The following TCEA1 variants were observed in gnomAD, a reference collection of about 807,000 sequenced individuals.
TCEA1 encodes transcription elongation factor A1, also known as transcription elongation factor A protein 1.
In TCEA1, 21 loss-of-function variants were observed where a neutral mutation model predicts 43.8. The observed-to-expected ratio is 0.48, with a 90% CI of 0.34 to 0.69. The LOEUF (loss-of-function observed/expected upper bound fraction) is 0.69. TCEA1 is among the 30% of genes least tolerant of loss of function. The pLI, the probability that TCEA1 is intolerant of heterozygous loss-of-function variation, is 0.01. For missense variants in TCEA1, 250 were observed against 365.1 expected (o/e 0.68, Z 2.57); for synonymous variants, 104 against 117.5 (o/e 0.88, Z 0.75).
intron 6 of TCEA1, 59 bp downstream of exon 6, chr8:53,986,910 A>G: frequency 1.5e-6 from 2 of 1,357,810 alleles, no homozygotes; most frequent in Non-Finnish European, 2.0e-6. Flanking sequence ...GCATTTGCAT[A>G]TGTTCAATAA....
intron 8 of TCEA1, chr8:53,973,280 C>T: frequency 2.0e-6 from 1 of 500,414 alleles, no homozygotes; most frequent in East Asian, 4.6e-5. Context: ...GAAGTGGGTT[C>T]CAGGTCTTAA....
At chr8:53,993,610 G>T in intron 4 of TCEA1, 58 bp downstream of exon 4, 2 of 1,398,288 alleles carry the variant, frequency 1.4e-6, no homozygotes, top group Non-Finnish European at 2.0e-6. Context: ...CAGGGGAATT[G>T]ATGCAGGAAG....
chr8:54,007,385 T>C (rs1026298655), intron 2 of TCEA1, among the ~76,000 whole-genome samples: 27 of 152,324 alleles, frequency 1.8e-4, no homozygotes, highest in Middle Eastern at 3.4e-3. Flanking sequence ...CTTGCTATGT[T>C]GCCCAGGCTG....
intron 8 of TCEA1, among the ~76,000 whole-genome samples, chr8:53,971,066 G>A (rs916155770): frequency 6.6e-6 from 1 of 152,098 alleles, no homozygotes; most frequent in African/African-American, 2.4e-5. Flanking sequence ...ATCCAACAGG[G>A]AAGTAATGAC....
intron 1 of TCEA1, among the ~76,000 whole-genome samples, chr8:54,016,411 C>T (rs1436890250): frequency 1.3e-5 from 2 of 152,082 alleles, no homozygotes; most frequent in Non-Finnish European, 2.9e-5. Context: ...GCGGAGCTTA[C>T]AGTGAGCCAT....
In TCEA1 at chr8:53,966,676, A is replaced by G. The variant is rs546885612; in HGVS notation, c.*1428T>C. Reference sequence around the variant, plus strand: ...ATGTACTTTGTTTTTGAAATAAAACAAAATCTTCAACTATGAACTGACAAA... The same window carrying G: ...ATGTACTTTGTTTTTGAAATAAAACGAAATCTTCAACTATGAACTGACAAA... On this transcript the variant is annotated 3_prime_UTR_variant, in exon 10 of 10. Coordinates refer to ENST00000521604, the MANE Select transcript of TCEA1 (RefSeq NM_006756.4). 5.1e-4 allele frequency: 98 copies of G among 192,900 alleles called. No homozygotes were observed. The highest frequency in any genetic ancestry group is 4.4e-3 in the South Asian group (23 of 5,182). The allele number at this position is 192,900 out of a possible 1,614,324, so 11.9% of individuals were successfully genotyped here. A position where few individuals can be genotyped will look rare whatever the true frequency, so the allele number is the denominator to read the frequency against.
intron 4 of TCEA1, among the ~76,000 whole-genome samples, chr8:53,993,127 ATTTTTTTTTTTTTT>A (rs11306062): frequency 2.4e-5 from 2 of 84,190 alleles, no homozygotes; most frequent in African/African-American, 9.7e-5. Flanking sequence ...TACATGGCTA[ATTTTTTTTTTTTTT>A]TTTTTTTTTT....
chr8:54,019,124 G>T (rs774962516), intron 1 of TCEA1, among the ~76,000 whole-genome samples: 2 of 152,126 alleles, frequency 1.3e-5, no homozygotes, highest in African/African-American at 2.4e-5. Flanking sequence ...CTCAATAAAT[G>T]GTAAGCTGTT....
At position 53,966,980 on chromosome 8, in the gene TCEA1, T is replaced by A. The variant is rs1302214640; in HGVS notation, c.*1124A>T. ...TTTGTCTTACTCCAAACAGAAAAAA[T>A]GGTACACACTTTAACAAAAGCAAAA... On this transcript the variant is annotated 3_prime_UTR_variant, in exon 10 of 10. Coordinates refer to ENST00000521604, the MANE Select transcript of TCEA1 (RefSeq NM_006756.4). The A allele has an allele frequency of 9.9e-6, 2 of 202,398 alleles. No individual in the cohort carries two copies. Among genetic ancestry groups the A allele is most frequent in the Admixed American group, 6.0e-5 (1 of 16,678 alleles). 12.5% of individuals were successfully genotyped at this position (202,398 alleles called of 1,614,324 possible). A position where few individuals can be genotyped will look rare whatever the true frequency, so the allele number is the denominator to read the frequency against.
At chr8:53,986,563 G>A (rs753021874) in intron 6 of TCEA1, among the ~76,000 whole-genome samples, 1 of 151,742 alleles carries the variant, frequency 6.6e-6, no homozygotes. Flanking sequence ...TTATGTTATC[G>A]GTTTGCCTTT....
chr8:54,007,982 G>C (rs1353336198), intron 2 of TCEA1, among the ~76,000 whole-genome samples: 3 of 152,010 alleles, frequency 2.0e-5, no homozygotes, highest in Non-Finnish European at 4.4e-5. Flanking sequence ...AGGAGTTTGA[G>C]ACCAGCCTGG....
intron 7 of TCEA1, among the ~76,000 whole-genome samples, chr8:53,981,247 G>T (rs1222296790): frequency 6.6e-6 from 1 of 152,244 alleles, no homozygotes; most frequent in African/African-American, 2.4e-5. Flanking sequence ...GATCATTGAT[G>T]AAGGTAGCTA....
At chr8:53,977,213 G>A (rs1173849503) in intron 8 of TCEA1, among the ~76,000 whole-genome samples, 6 of 152,140 alleles carry the variant, frequency 3.9e-5, no homozygotes, top group African/African-American at 1.2e-4. Flanking sequence ...CCAGCTACTC[G>A]GGAGGCTGAG....
intron 3 of TCEA1, 111 bp downstream of exon 3, chr8:53,999,834 C>G (rs1804196540): frequency 3.9e-6 from 3 of 774,932 alleles, no homozygotes; most frequent in Non-Finnish European, 6.5e-6. Context: ...TTCAGTATAT[C>G]TAGATTCACT....
In TCEA1 at chr8:54,022,199, C is replaced by G. The variant is rs1215337512; in HGVS notation, c.-74G>C. ...GGCGAAGCTGGAGCGGAAGACACAG[C>G]AGGAGCGACCCCCGGCGCGCAGCAA... On this transcript the variant is annotated 5_prime_UTR_variant, in exon 1 of 10. Coordinates refer to ENST00000521604, the MANE Select transcript of TCEA1 (RefSeq NM_006756.4). 2 of 1,495,048 alleles carry G rather than the reference C, an allele frequency of 1.3e-6. No homozygotes were observed. Among genetic ancestry groups the G allele is most frequent in the Non-Finnish European group, 9.2e-7 (1 of 1,082,020 alleles). 92.6% of individuals were successfully genotyped at this position (1,495,048 alleles called of 1,614,324 possible). A position where few individuals can be genotyped will look rare whatever the true frequency, so the allele number is the denominator to read the frequency against.
chr8:54,008,915 T>G (rs1270525035), intron 2 of TCEA1, among the ~76,000 whole-genome samples: 1 of 150,506 alleles, frequency 6.6e-6, no homozygotes, highest in Non-Finnish European at 1.5e-5. Flanking sequence ...AGTGGCGCAA[T>G]CTCAGCTCAC....
chr8:53,989,753 T>TA (rs1432276934), intron 4 of TCEA1, among the ~76,000 whole-genome samples: 2 of 150,330 alleles, frequency 1.3e-5, no homozygotes, highest in Non-Finnish European at 3.0e-5. Context: ...CATTTATTAT[T>TA]TTTTTTTTTA....
At chr8:54,010,565 G>A in intron 1 of TCEA1, 73 bp from the exon 2 acceptor site, 1 of 1,248,202 alleles carries the variant, frequency 8.0e-7, no homozygotes. Context: ...TAAGGTTCAT[G>A]GGAGAATCAC....
intron 8 of TCEA1, among the ~76,000 whole-genome samples, chr8:53,974,578 A>C (rs2129299053): frequency 6.6e-6 from 1 of 151,730 alleles, no homozygotes; most frequent in Middle Eastern, 3.4e-3. Flanking sequence ...CCCAGGCTGG[A>C]GTGCAATGGC....
Sources: gnomAD v4.1 joint callset for allele counts (sites outside exome capture counted in the v4.1 genomes callset) on GRCh38, gnomAD v4.1.1 for gene constraint, MANE v1.5 for transcripts, NCBI Gene and HGNC (gene_info 2026-07-23, HGNC 2026-07-21) for gene names.